Variants in OR11G2 observed in about 807,000 individuals in gnomAD.
OR11G2 encodes olfactory receptor 11G2.
Under a neutral mutation model 0.9 loss-of-function variants are expected in OR11G2, and 2 were observed. That is an observed-to-expected ratio of 2.35 (90% CI 0.96 to 7.38). The LOEUF is 7.38. Ranked by LOEUF, OR11G2 falls within the 30% of genes most tolerant of loss-of-function variation. OR11G2 has a pLI of 0.05. For synonymous variants in OR11G2, 153 were observed against 142.0 expected (o/e 1.08, Z -0.55); for missense variants, 395 against 371.3 (o/e 1.06, Z -0.52).
At chr14:20,191,846 T>G (rs1879657223) in intron 1 of OR11G2, among the ~76,000 whole-genome samples, 180 bp downstream of exon 1, 1 of 151,580 alleles carries the variant, frequency 6.6e-6, no homozygotes, top group Non-Finnish European at 1.5e-5. Context: ...GGAACTTGCC[T>G]GGAAATTTTG....
At chr14:20,191,985 C>T (rs374245411) in intron 1 of OR11G2, among the ~76,000 whole-genome samples, 1 of 151,376 alleles carries the variant, frequency 6.6e-6, no homozygotes, top group Non-Finnish European at 1.5e-5. Context: ...CTCTGCCTCC[C>T]GGGTTCAGTT....
intron 1 of OR11G2, among the ~76,000 whole-genome samples, chr14:20,191,891 A>ATTTT (rs34333327): frequency 8.5e-6 from 1 of 117,030 alleles, no homozygotes. Context: ...CCCAACTGGC[A>ATTTT]TTTTTTTTTT....
chr14:20,198,844 A>G lies in OR11G2; in HGVS notation c.*471A>G, dbSNP rs1420861796. On this transcript the variant is annotated 3_prime_UTR_variant, in exon 2 of 2. Transcript: ENST00000641879. ...TTATTTCTCCTTTCAGATCTTGATT[A>G]TTTGCCCAGTTGTGTAACATGCCTC... 1 of 152,348 alleles carries G rather than the reference A, an allele frequency of 6.6e-6. No homozygotes were observed. The highest frequency in any genetic ancestry group is 2.4e-5 in the African/African-American group (1 of 41,324). The allele number at this position is 152,348 out of a possible 1,614,324, so 9.4% of individuals were successfully genotyped here.
chr14:20,196,814 C>A (rs1879761434), intron 1 of OR11G2, among the ~76,000 whole-genome samples: 1 of 152,204 alleles, frequency 6.6e-6, no homozygotes, highest in Non-Finnish European at 1.5e-5. Context: ...ACAAAAGAAA[C>A]TGACAACAGC....
intron 1 of OR11G2, among the ~76,000 whole-genome samples, chr14:20,196,420 G>A (rs1879754172): frequency 6.6e-6 from 1 of 152,270 alleles, no homozygotes; most frequent in East Asian, 1.9e-4. Context: ...GCTCACTTAT[G>A]CGCTTATTTA....
intron 1 of OR11G2, among the ~76,000 whole-genome samples, chr14:20,193,477 G>C (rs927306033): frequency 6.6e-6 from 1 of 152,176 alleles, no homozygotes. Flanking sequence ...GATGTTCCTT[G>C]TTCTGTTTTC....
rs1879841082 is a variant in OR11G2, at chr14:20,198,781, T to C, written c.*408T>C. 1 of 152,598 alleles carries C rather than the reference T, an allele frequency of 6.6e-6. No homozygotes were observed. The highest frequency in any genetic ancestry group is 1.5e-5 in the Non-Finnish European group (1 of 68,558). The allele number at this position is 152,598 out of a possible 1,614,324, so 9.5% of individuals were successfully genotyped here. On this transcript the variant is annotated 3_prime_UTR_variant, in exon 2 of 2. Transcript: ENST00000641879. ...TTATACAGTTAATTGTTCATCTTAC[T>C]ATTGGCCAAAGCTAAAATACCTGTG...
Position 20,197,711 on chromosome 14 carries a change from G to C in OR11G2, c.274G>C (p.Asp92His), listed in dbSNP as rs2139113695. The C allele has an allele frequency of 1.2e-6, 2 of 1,613,860 alleles. No homozygotes were observed. The highest frequency in any genetic ancestry group is 1.7e-6 in the Non-Finnish European group (2 of 1,179,912). The change falls in exon 2 of 2, where the codon GAC becomes CAC. Residue 92 changes from aspartate (D) to histidine (H), a missense_variant. Asp to His is a moderately conservative substitution (Grantham distance 81). Transcript: ENST00000641879. ...VPSMLANFLS[D>H]TKIISFSGCF... Reference sequence around the variant, plus strand: ...CAGCATGCTGGCCAACTTCCTCTCTGACACCAAGATCATCTCGTTCTCTGG... The same window carrying C: ...CAGCATGCTGGCCAACTTCCTCTCTCACACCAAGATCATCTCGTTCTCTGG...
rs1879827081 is a variant in OR11G2, at chr14:20,198,470, T to G, written c.*97T>G. On this transcript the variant is annotated 3_prime_UTR_variant, in exon 2 of 2. Transcript: ENST00000641879. ...TTGGCCAGGCGCGGTGGCTTACGCC[T>G]GTAATCCCAGCACTTTGGGAGCCCG... 1 of 826,314 alleles carries G rather than the reference T, an allele frequency of 1.2e-6. No homozygotes were observed. Among genetic ancestry groups the G allele is most frequent in the Admixed American group, 2.4e-5 (1 of 40,948 alleles). The allele number at this position is 826,314 out of a possible 1,614,324, so 51.2% of individuals were successfully genotyped here.
At position 20,191,382 on chromosome 14, in the gene OR11G2, T is replaced by C. The variant is rs1336109327; in HGVS notation, c.-289T>C. ...ATCAGAGAAATGCTTTTGTCTCATA[T>C]TATGTATTATAGCACAGGAGCTGGC... On this transcript the variant is annotated 5_prime_UTR_variant, in exon 1 of 2. Coordinates refer to ENST00000641879, the MANE Select transcript of OR11G2 (RefSeq NM_001386033.1). 1 of 152,222 alleles carries C rather than the reference T, an allele frequency of 6.6e-6. No homozygotes were observed. Among genetic ancestry groups the C allele is most frequent in the Non-Finnish European group, 1.5e-5 (1 of 68,032 alleles). 9.4% of individuals were successfully genotyped at this position (152,222 alleles called of 1,614,324 possible).
In OR11G2 at chr14:20,197,882, G is replaced by C; in HGVS notation, c.445G>C (p.Val149Leu). The change falls in exon 2 of 2, where the codon GTG becomes CTG. Residue 149 changes from valine to leucine, a missense_variant. Val to Leu is a conservative substitution (Grantham distance 32, BLOSUM62 1). Coordinates refer to ENST00000641879, the MANE Select transcript of OR11G2 (RefSeq NM_001386033.1). ...GACCAGACGTCTCTGTACCAATCTT[G>C]TGGTCAATTGCTGGGTACTTGGTTT... ...IMTRRLCTNL[V>L]VNCWVLGFIW... 6.2e-7 allele frequency: 1 copy of C among 1,614,042 alleles called. No individual in the cohort carries two copies. Among genetic ancestry groups the C allele is most frequent in the Non-Finnish European group, 8.5e-7 (1 of 1,180,008 alleles).
chr14:20,191,886 C>T (rs1860793949), intron 1 of OR11G2, among the ~76,000 whole-genome samples: 1 of 118,318 alleles, frequency 8.5e-6, no homozygotes, highest in Non-Finnish European at 1.7e-5. Context: ...AACTACCCAA[C>T]TGGCATTTTT....
In OR11G2 at chr14:20,198,700, GCC is replaced by G. The variant is rs1879837156; in HGVS notation, c.*328_*329del. On this transcript the variant is annotated 3_prime_UTR_variant, in exon 2 of 2. Coordinates refer to ENST00000641879, the MANE Select transcript of OR11G2 (RefSeq NM_001386033.1). ...GCCGAGATCGCGCCACTGCACTCAA[GCC>G]TGGGCGACAGAGCGAGACTCTGTCT... 6.6e-6 allele frequency: 1 copy of G among 152,464 alleles called. No homozygotes were observed. Among genetic ancestry groups the G allele is most frequent in the Non-Finnish European group, 1.4e-5 (1 of 71,976 alleles). 9.4% of individuals were successfully genotyped at this position (152,464 alleles called of 1,614,324 possible).
rs1265474749 is a variant in OR11G2, at chr14:20,200,101, A to G, written c.*1728A>G. The G allele has an allele frequency of 6.6e-6, 1 of 151,268 alleles. No homozygotes were observed. Among genetic ancestry groups the G allele is most frequent in the Non-Finnish European group, 1.5e-5 (1 of 67,764 alleles). 9.4% of individuals were successfully genotyped at this position (151,268 alleles called of 1,614,324 possible). ...ATCCAAATACCTGTTTTTCAGGTTAAATAAATAGGAATTGGGAATCAGGGA... is the reference window on the plus strand; with the variant it reads ...ATCCAAATACCTGTTTTTCAGGTTAGATAAATAGGAATTGGGAATCAGGGA... On this transcript the variant is annotated 3_prime_UTR_variant, in exon 2 of 2. Coordinates refer to ENST00000641879, the MANE Select transcript of OR11G2 (RefSeq NM_001386033.1).
rs1879870971 is a variant in OR11G2, at chr14:20,200,147, A to G, written c.*1774A>G. 1 of 92,642 alleles carries G rather than the reference A, an allele frequency of 1.1e-5. No individual in the cohort carries two copies. Among genetic ancestry groups the G allele is most frequent in the Non-Finnish European group, 2.2e-5 (1 of 46,246 alleles). 5.7% of individuals were successfully genotyped at this position (92,642 alleles called of 1,614,324 possible). The stretch of plus-strand genomic sequence containing the variant: ...AGGGAGCAATTTGCTGAGGATAATG[A>G]CTTAATTCCAAAAAAAAAAAAAAAA... On this transcript the variant is annotated 3_prime_UTR_variant, in exon 2 of 2. Transcript: ENST00000641879.
At position 20,198,427 on chromosome 14, in the gene OR11G2, TTA is replaced by T; in HGVS notation, c.*55_*56del. Reference sequence around the variant, plus strand: ...TTAATCTTGTCTTTAATTTTGGGGTTTAAAAAAAAAACTGGTCTTGGCCAGGC... The same window carrying T: ...TTAATCTTGTCTTTAATTTTGGGGTTAAAAAAAAACTGGTCTTGGCCAGGC... On this transcript the variant is annotated 3_prime_UTR_variant, in exon 2 of 2. Transcript: ENST00000641879. The T allele has an allele frequency of 7.3e-7, 1 of 1,377,366 alleles. No individual in the cohort carries two copies. 85.3% of individuals were successfully genotyped at this position (1,377,366 alleles called of 1,614,324 possible). A position where few individuals can be genotyped will look rare whatever the true frequency, so the allele number is the denominator to read the frequency against.
At position 20,200,373 on chromosome 14, in the gene OR11G2, G is replaced by A. The variant is rs973226472; in HGVS notation, c.*2000G>A. The A allele has an allele frequency of 6.6e-6, 1 of 152,042 alleles. No individual in the cohort carries two copies. The highest frequency in any genetic ancestry group is 1.5e-5 in the Non-Finnish European group (1 of 67,976). The allele number at this position is 152,042 out of a possible 1,614,324, so 9.4% of individuals were successfully genotyped here. On this transcript the variant is annotated 3_prime_UTR_variant, in exon 2 of 2. Coordinates refer to ENST00000641879, the MANE Select transcript of OR11G2 (RefSeq NM_001386033.1). Reference sequence around the variant, plus strand: ...AGAAAATGAGCAAAAGGATATAAACGAATAACATCCAGAAAAAGATTCTTA... The same window carrying A: ...AGAAAATGAGCAAAAGGATATAAACAAATAACATCCAGAAAAAGATTCTTA...
At position 20,198,511 on chromosome 14, in the gene OR11G2, G is replaced by C; in HGVS notation, c.*138G>C. 1.6e-6 allele frequency: 1 copy of C among 607,912 alleles called. No individual in the cohort carries two copies. The highest frequency in any genetic ancestry group is 2.1e-5 in the South Asian group (1 of 48,430). The allele number at this position is 607,912 out of a possible 1,614,324, so 37.7% of individuals were successfully genotyped here. A position where few individuals can be genotyped will look rare whatever the true frequency, so the allele number is the denominator to read the frequency against. ...TGGGAGCCCGAGGCGGGTGGATCAC[G>C]AGGTCAGGAGATCAAGACCACCCTG... is the stretch of plus-strand genomic sequence containing the variant. On this transcript the variant is annotated 3_prime_UTR_variant, in exon 2 of 2. Coordinates refer to ENST00000641879, the MANE Select transcript of OR11G2 (RefSeq NM_001386033.1).
chr14:20,196,770 G>A (rs145292548), intron 1 of OR11G2, among the ~76,000 whole-genome samples: 3 of 152,300 alleles, frequency 2.0e-5, no homozygotes, highest in African/African-American at 7.2e-5. Context: ...TTTCAGCCTG[G>A]TCTACTGAGG....
Sources: gnomAD v4.1 joint callset for allele counts (sites outside exome capture counted in the v4.1 genomes callset) on GRCh38, gnomAD v4.1.1 for gene constraint, MANE v1.5 for transcripts, NCBI Gene and HGNC (gene_info 2026-07-23, HGNC 2026-07-21) for gene names.